The following EXOC3 variants were observed in gnomAD, a reference collection of about 807,000 sequenced individuals.
EXOC3 encodes the protein SEC6-like 1.
Under a neutral mutation model 73.7 loss-of-function variants are expected in EXOC3, and 21 were observed. The ratio of observed to expected loss-of-function variants is 0.29; its 90% CI spans 0.20 to 0.41. The LOEUF (loss-of-function observed/expected upper bound fraction) is 0.41, where lower values mean the gene tolerates loss of function less well. Ranked by LOEUF, EXOC3 falls within the 10% of genes least tolerant of loss-of-function variation. The pLI, the probability that EXOC3 is intolerant of heterozygous loss-of-function variation, is 1.00. For missense variants in EXOC3, 842 were observed against 985.1 expected, an observed-to-expected ratio of 0.85 and a Z score of 1.95; for synonymous variants, 410 against 389.1, an observed-to-expected ratio of 1.05 and a Z score of -0.63.
In EXOC3 at chr5:464,407, A is replaced by G; in HGVS notation, c.1771A>G (p.Lys591Glu). ...TTTTGCCAAAATTAAAAAGCCGTATAAGAAGGTAAGAAGGTGGGACCTAGT... is the reference window on the plus strand; with the variant it reads ...TTTTGCCAAAATTAAAAAGCCGTATGAGAAGGTAAGAAGGTGGGACCTAGT... ...NDFAKIKKPYKKRMTAEAHRR... is the reference protein window; with the variant it reads ...NDFAKIKKPYEKRMTAEAHRR... Residue 591 changes from lysine (K) to glutamate (E), a missense_variant, in exon 10 of 13, where the codon AAG becomes GAG. Lys to Glu is a moderately conservative substitution (Grantham distance 56, BLOSUM62 1). Coordinates refer to ENST00000512944, the MANE Select transcript of EXOC3 (RefSeq NM_007277.5). 1 of 1,613,372 alleles carries G rather than the reference A, an allele frequency of 6.2e-7. No individual in the cohort carries two copies. Among genetic ancestry groups the G allele is most frequent in the Non-Finnish European group, 8.5e-7 (1 of 1,179,496 alleles).
At position 465,854 on chromosome 5, in the gene EXOC3, T is replaced by C; in HGVS notation, c.2066+9T>C. 6.2e-7 allele frequency: 1 copy of C among 1,606,014 alleles called. No homozygotes were observed. The highest frequency in any genetic ancestry group is 8.5e-7 in the Non-Finnish European group (1 of 1,176,152). ...AAGTATCCAGACATCAGGTAAGGGA[T>C]GCACGTCTTAGAATCCTGCCTTAGA... On this transcript the variant is annotated intron_variant, in intron 12 of 12. Transcript: ENST00000512944.
In EXOC3 at chr5:466,752, G is replaced by A. The variant is rs759756624; in HGVS notation, c.2092G>A (p.Ala698Thr). The A allele has an allele frequency of 1.2e-6, 2 of 1,613,078 alleles. No homozygotes were observed. Among genetic ancestry groups the A allele is most frequent in the South Asian group, 2.2e-5 (2 of 91,070 alleles). Residue 698 changes from alanine (A) to threonine (T), a missense_variant, in exon 13 of 13, where the codon GCT (alanine) becomes ACT (threonine). Coordinates refer to ENST00000512944, the MANE Select transcript of EXOC3 (RefSeq NM_007277.5). ...IRDDHIGALL[A>T]VRGDASRDMK... Reference sequence around the variant, plus strand: ...GGATGACCACATCGGTGCGCTGCTGGCTGTGCGTGGGGACGCCAGCCGTGA... The same window carrying A: ...GGATGACCACATCGGTGCGCTGCTGACTGTGCGTGGGGACGCCAGCCGTGA...
At position 467,139 on chromosome 5, in the gene EXOC3, G is replaced by T; in HGVS notation, c.*241G>T. 1.1e-5 allele frequency: 6 copies of T among 525,658 alleles called. 1 individual carries two copies. The South Asian group carries it at 1.7e-4, about 15-fold the overall frequency. 32.6% of individuals were successfully genotyped at this position (525,658 alleles called of 1,614,324 possible). A position where few individuals can be genotyped will look rare whatever the true frequency, so the allele number is the denominator to read the frequency against. On this transcript the variant is annotated 3_prime_UTR_variant, in exon 13 of 13. Coordinates refer to ENST00000512944, the MANE Select transcript of EXOC3 (RefSeq NM_007277.5). The stretch of plus-strand genomic sequence containing the variant: ...GGCTCTGCCGCACAGCCTCTCTTGG[G>T]TGCTTGTTTGTTGCAGTGGTTGAAA...
At chr5:444,284 G>A (rs1045398202) in intron 1 of EXOC3, among the ~76,000 whole-genome samples, 3 of 152,238 alleles carry the variant, frequency 2.0e-5, no homozygotes, top group Non-Finnish European at 2.9e-5. Context: ...TGGGATGGAA[G>A]CCTCTGCGGT....
intron 12 of EXOC3, chr5:466,414 C>T (rs892987402): frequency 2.5e-5 from 9 of 355,736 alleles, no homozygotes; most frequent in Admixed American, 4.3e-5. Context: ...GCGTCACCTC[C>T]GTCCCATCAT....
chr5:461,333 G>A (rs568237617), intron 7 of EXOC3, among the ~76,000 whole-genome samples: 5 of 152,190 alleles, frequency 3.3e-5, no homozygotes, highest in African/African-American at 4.8e-5. Context: ...AAACAAGGTC[G>A]GTCAGGCACG....
At chr5:452,827 C>T (rs990285560) in intron 3 of EXOC3, among the ~76,000 whole-genome samples, 10 of 152,238 alleles carry the variant, frequency 6.6e-5, no homozygotes, top group Admixed American at 1.3e-4. Flanking sequence ...TGAATGTCTT[C>T]ATTCATAAAT....
chr5:460,133 C>T (rs1215488910), intron 7 of EXOC3, among the ~76,000 whole-genome samples: 1 of 152,210 alleles, frequency 6.6e-6, no homozygotes, highest in Non-Finnish European at 1.5e-5. Context: ...CACGGTGACT[C>T]CGTGGGGTCA....
intron 10 of EXOC3, 184 bp from the exon 11 acceptor site, chr5:464,927 T>A (rs1286669042): frequency 1.5e-6 from 1 of 653,342 alleles, no homozygotes; most frequent in Admixed American, 3.2e-5. Flanking sequence ...CAGGTCACCG[T>A]CACTGTTCCC....
At position 465,246 on chromosome 5, in the gene EXOC3, C is replaced by T. The variant is rs576167792; in HGVS notation, c.1912C>T (p.Arg638Cys). 14 of 1,589,914 alleles carry T rather than the reference C, an allele frequency of 8.8e-6. No individual in the cohort carries two copies. Among genetic ancestry groups the T allele is most frequent in the South Asian group, 6.9e-5 (6 of 87,232 alleles). Residue 638 changes from arginine (R) to cysteine (C), a missense_variant, in exon 11 of 13, where the codon CGC becomes TGC. Transcript: ENST00000512944. Reference sequence around the variant, plus strand: ...GATGGTTAGGGAGGCAGAGCAGCTGCGCTTCCTGTTCCGGAAGCTGGCGTC... The same window carrying T: ...GATGGTTAGGGAGGCAGAGCAGCTGTGCTTCCTGTTCCGGAAGCTGGCGTC... ...EKMVREAEQL[R>C]FLFRKLASGF...
intron 3 of EXOC3, among the ~76,000 whole-genome samples, chr5:449,703 A>G (rs1186098427): frequency 6.6e-6 from 1 of 152,244 alleles, no homozygotes; most frequent in East Asian, 1.9e-4. Context: ...CTGTTGGTGG[A>G]CATTTGAATT....
At chr5:466,476 C>G in intron 12 of EXOC3, 2 of 507,618 alleles carry the variant, frequency 3.9e-6, no homozygotes, top group African/African-American at 1.9e-5. Context: ...ACGGTCTCCC[C>G]TCTGGTTGGG....
rs1313229890 is a variant in EXOC3 at position 466,079 on chromosome 5, G to C, written c.2066+234G>C. On this transcript the variant is annotated intron_variant, in intron 12 of 12. Transcript: ENST00000512944. Reference sequence around the variant, plus strand: ...GGGTGGAGCTCGAGGGGCACATCCCGGGTGGGGACAGTGGGGTGGGGGCGG... The same window carrying C: ...GGGTGGAGCTCGAGGGGCACATCCCCGGTGGGGACAGTGGGGTGGGGGCGG... 48 of 397,432 alleles carry C rather than the reference G, an allele frequency of 1.2e-4. 4 individuals carry two copies. In the East Asian group the frequency reaches 2.4e-3, roughly 20 times the overall value. The allele number at this position is 397,432 out of a possible 1,614,324, so 24.6% of individuals were successfully genotyped here.
intron 1 of EXOC3, 37 bp from the exon 2 acceptor site, chr5:446,113 G>A (rs1422308260): frequency 9.5e-6 from 14 of 1,471,304 alleles, no homozygotes; most frequent in East Asian, 2.3e-5. Context: ...GGGAGGTTTT[G>A]TACCTAACAT....
intron 2 of EXOC3, 129 bp from the exon 3 acceptor site, chr5:447,403 TG>T (rs1737537939): frequency 1.6e-6 from 1 of 606,764 alleles, no homozygotes; most frequent in South Asian, 2.2e-5. Flanking sequence ...TTTTCTTTTC[TG>T]GGTATTGACT....
chr5:464,950 C>G (rs954163079), intron 10 of EXOC3, 161 bp from the exon 11 acceptor site: 4 of 747,250 alleles, frequency 5.4e-6, no homozygotes, highest in South Asian at 1.9e-5. Flanking sequence ...ACTGAGCCCC[C>G]GCTCCTCCTC....
chr5:450,275 C>T (rs1477197461), intron 3 of EXOC3, among the ~76,000 whole-genome samples: 1 of 152,066 alleles, frequency 6.6e-6, no homozygotes, highest in African/African-American at 2.4e-5. Context: ...AACAAAAGTC[C>T]CTTATGTTTC....
intron 10 of EXOC3, 157 bp from the exon 11 acceptor site, chr5:464,951 GCTC>G (rs1738096452): frequency 4.0e-6 from 3 of 749,894 alleles, no homozygotes; most frequent in South Asian, 3.8e-5. Flanking sequence ...CTGAGCCCCC[GCTC>G]CTCCTCTGCG....
Position 453,662 on chromosome 5 carries a change from A to G in EXOC3, c.657A>G (p.Glu219=), listed in dbSNP as rs749742356. ...CAGTTGTCAGGATCATTGAAAGGGAAGAGAAAATTGACAGGCGCATACTTG... is the reference window on the plus strand; with the variant it reads ...CAGTTGTCAGGATCATTGAAAGGGAGGAGAAAATTGACAGGCGCATACTTG... ...LVSVVRIIER[E]EKIDRRILDR... is the part of the protein sequence containing the mutation. Residue 219 remains glutamate (E), a synonymous_variant, in exon 4 of 13, where the codon GAA becomes GAG. Coordinates refer to ENST00000512944, the MANE Select transcript of EXOC3 (RefSeq NM_007277.5). The G allele has an allele frequency of 5.1e-5, 83 of 1,613,862 alleles. No individual in the cohort carries two copies. The highest frequency in any genetic ancestry group is 6.5e-5 in the Non-Finnish European group (77 of 1,179,888).
Sources: allele counts gnomAD v4.1 joint callset (sites outside exome capture counted in the v4.1 genomes callset), GRCh38; gene constraint gnomAD v4.1.1; transcripts MANE v1.5; gene names NCBI Gene and HGNC (gene_info 2026-07-23, HGNC 2026-07-21).